Variants in C4orf17 observed in about 807,000 individuals in gnomAD.
C4orf17 encodes chromosome 4 open reading frame 17.
A neutral mutation model predicts 32.0 loss-of-function variants in C4orf17; 25 were observed. The ratio of observed to expected loss-of-function variants is 0.78; its 90% confidence interval spans 0.57 to 1.09. The LOEUF (loss-of-function observed/expected upper bound fraction) is 1.09, where lower values mean the gene tolerates loss of function less well. Ranked by LOEUF, C4orf17 falls within the 50% of genes least tolerant of loss-of-function variation. C4orf17 has a pLI of 0.00. For missense variants in C4orf17, 420 were observed against 420.0 expected, an observed-to-expected ratio of 1.00 and a Z score of 0.00; for synonymous variants, 149 against 145.8, an observed-to-expected ratio of 1.02 and a Z score of -0.16.
rs1197313404 is a variant in C4orf17 at position 99,542,040 on chromosome 4, A to G, written c.1011A>G (p.Ser337=). 7.4e-6 allele frequency: 12 copies of G among 1,614,048 alleles called. No homozygotes were observed. Among genetic ancestry groups the G allele is most frequent in the Non-Finnish European group, 9.3e-6 (11 of 1,180,006 alleles). Residue 337 remains serine, a synonymous_variant, in exon 9 of 9, where the codon TCA becomes TCG. Transcript: ENST00000326581. ...TQESGSAKPV[S]ARSIQEYNLC... is the part of the protein sequence containing the mutation. ...AGAGTGGATCAGCAAAACCAGTGTC[A>G]GCAAGGAGTATACAAGAATACAACC...
intron 4 of C4orf17, among the ~76,000 whole-genome samples, chr4:99,528,049 TC>T (rs990793616): frequency 6.6e-6 from 1 of 152,186 alleles, no homozygotes; most frequent in African/African-American, 2.4e-5. Flanking sequence ...TTTTTGGTAA[TC>T]TATTCTTTTC....
intron 2 of C4orf17, among the ~76,000 whole-genome samples, chr4:99,518,622 C>T (rs1306726345): frequency 7.3e-6 from 1 of 136,424 alleles, no homozygotes; most frequent in East Asian, 2.3e-4. Context: ...GTTTATCCTA[C>T]ACAAAATCCT....
chr4:99,539,045 C>A, intron 6 of C4orf17, 118 bp from the exon 7 acceptor site: 2 of 931,424 alleles, frequency 2.1e-6, no homozygotes, highest in South Asian at 1.6e-5. Context: ...ACATAGGTAA[C>A]TATCCAGAAA....
Position 99,537,755 on chromosome 4 carries a change from G to A in C4orf17, c.628+5G>A, listed in dbSNP as rs760903519. The A allele has an allele frequency of 8.1e-6, 13 of 1,601,762 alleles. No individual in the cohort carries two copies. The highest frequency in any genetic ancestry group is 6.7e-5 in the East Asian group (3 of 44,822). ...TGCTTCATGCAACTTCAAAAGGTGC[G>A]ATTAAGATATAAATTTTAAAACACT... On this transcript the variant is annotated splice_donor_5th_base_variant and intron_variant, in intron 6 of 8. Transcript: ENST00000326581.
intron 5 of C4orf17, among the ~76,000 whole-genome samples, chr4:99,533,807 GC>G (rs939765408): frequency 2.3e-5 from 3 of 129,174 alleles, no homozygotes; most frequent in Non-Finnish European, 4.9e-5. Context: ...AAGATACCTT[GC>G]GGGAACATAC....
chr4:99,532,221 G>T (rs1723488123), intron 5 of C4orf17, among the ~76,000 whole-genome samples: 1 of 151,860 alleles, frequency 6.6e-6, no homozygotes, highest in Admixed American at 6.6e-5. Context: ...AAAATAAATT[G>T]TTCTAAAAGA....
intron 5 of C4orf17, among the ~76,000 whole-genome samples, chr4:99,533,852 C>T (rs1179529081): frequency 3.3e-5 from 5 of 152,180 alleles, no homozygotes; most frequent in Admixed American, 2.6e-4. Context: ...AAAAGTTACA[C>T]CTTAAAAATA....
At chr4:99,515,435 T>A (rs1723164063) in intron 2 of C4orf17, among the ~76,000 whole-genome samples, 2 of 152,142 alleles carry the variant, frequency 1.3e-5, no homozygotes, top group Admixed American at 1.3e-4. Context: ...CTCAGCAAAC[T>A]AATGCAGGAA....
rs544774407 is a variant in C4orf17 at position 99,511,113 on chromosome 4, C to G, written c.-253C>G. On this transcript the variant is annotated 5_prime_UTR_variant, in exon 1 of 9. Coordinates refer to ENST00000326581, the MANE Select transcript of C4orf17 (RefSeq NM_032149.3). ...ACAGCTGTATTCTTTTGGAAGCGTT[C>G]GAGATTGGTCTGTCTCTACCAACTA... 6.6e-6 allele frequency: 1 copy of G among 152,066 alleles called. No homozygotes were observed. The highest frequency in any genetic ancestry group is 2.4e-5 in the African/African-American group (1 of 41,392). The allele number at this position is 152,066 out of a possible 1,614,324, so 9.4% of individuals were successfully genotyped here.
intron 8 of C4orf17, 114 bp from the exon 9 acceptor site, chr4:99,541,796 C>A: frequency 1.3e-6 from 1 of 750,178 alleles, no homozygotes; most frequent in Non-Finnish European, 2.2e-6. Flanking sequence ...TTGGGTGTAT[C>A]TGATTCACCT....
chr4:99,520,171 G>T (rs946237222), intron 2 of C4orf17, among the ~76,000 whole-genome samples: 1 of 149,510 alleles, frequency 6.7e-6, no homozygotes, highest in African/African-American at 2.4e-5. Context: ...CTCACTGCAA[G>T]CTCCGCCTCG....
intron 3 of C4orf17, among the ~76,000 whole-genome samples, chr4:99,523,752 G>A (rs1450182791): frequency 6.6e-6 from 1 of 152,056 alleles, no homozygotes; most frequent in Non-Finnish European, 1.5e-5. Context: ...ACTTTAAGTG[G>A]TTTTAGGGCA....
rs746346115 is a variant in C4orf17, at chr4:99,539,392, C to T, written c.836+22C>T. ...CCAGGTAATTAGATATAATGGCCCC[C>T]TAGAGGGAGGGCCTATGGCACATGA... On this transcript the variant is annotated intron_variant, in intron 7 of 8. Transcript: ENST00000326581. 3.6e-5 allele frequency: 57 copies of T among 1,584,664 alleles called. No individual in the cohort carries two copies. In the Admixed American group the frequency reaches 9.5e-4, roughly 26 times the overall value.
intron 2 of C4orf17, among the ~76,000 whole-genome samples, chr4:99,513,822 A>G (rs1321082326): frequency 6.6e-6 from 1 of 152,170 alleles, no homozygotes; most frequent in Non-Finnish European, 1.5e-5. Context: ...AAGAATTTTA[A>G]AAGTATACAG....
At chr4:99,529,982 C>G in intron 5 of C4orf17, 24 bp downstream of exon 5, 1 of 1,589,468 alleles carries the variant, frequency 6.3e-7, no homozygotes. Flanking sequence ...TTATCAAATC[C>G]ATAACTTGGA....
At chr4:99,534,049 G>T (rs1723519852) in intron 5 of C4orf17, among the ~76,000 whole-genome samples, 1 of 152,116 alleles carries the variant, frequency 6.6e-6, no homozygotes, top group African/African-American at 2.4e-5. Flanking sequence ...GTAAATGTAT[G>T]CCCTGGTGGT....
chr4:99,522,756 A>T (rs893752965), intron 3 of C4orf17, 47 bp downstream of exon 3: 1 of 1,480,768 alleles, frequency 6.8e-7, no homozygotes, highest in Non-Finnish European at 9.4e-7. Context: ...GCCTCCTGCA[A>T]ACAAGGCTGT....
At chr4:99,536,139 C>T (rs865783367) in intron 5 of C4orf17, 6 of 324,208 alleles carry the variant, frequency 1.9e-5, no homozygotes, top group South Asian at 7.7e-5. Context: ...GTTGCTGGCT[C>T]GAATGCTCCT....
intron 2 of C4orf17, among the ~76,000 whole-genome samples, chr4:99,521,905 G>GGA (rs1723292357): frequency 6.6e-6 from 1 of 152,114 alleles, no homozygotes; most frequent in Admixed American, 6.5e-5. Flanking sequence ...GTTATTTTTA[G>GGA]GAGAGAGAGT....
Sources: gnomAD v4.1 joint callset for allele counts (sites outside exome capture counted in the v4.1 genomes callset) on GRCh38, gnomAD v4.1.1 for gene constraint, MANE v1.5 for transcripts, NCBI Gene and HGNC (gene_info 2026-07-23, HGNC 2026-07-21) for gene names.